Variants in SPEN observed in about 807,000 individuals in gnomAD.
SPEN encodes the protein spen family transcriptional repressor.
Under a neutral mutation model 269.9 loss-of-function variants are expected in SPEN, and 18 were observed. That is an observed-to-expected ratio of 0.07 (90% CI 0.05 to 0.10). The LOEUF is 0.10. Ranked by LOEUF, SPEN falls within the 10% of genes least tolerant of loss-of-function variation. SPEN has a pLI of 1.00. For synonymous variants in SPEN, 1,726 were observed against 1,765.7 expected (o/e 0.98, Z 0.56); for missense variants, 3,822 against 4,631.2 (o/e 0.83, Z 5.07).
intron 2 of SPEN, among the ~76,000 whole-genome samples, chr1:15,875,081 A>G (rs1250082733): frequency 1.3e-5 from 2 of 152,168 alleles, no homozygotes; most frequent in African/African-American, 4.8e-5. Context: ...GATGGGTTGA[A>G]GAGAAACTCC....
intron 9 of SPEN, 21 bp from the exon 10 acceptor site, chr1:15,922,228 C>T (rs1353964786): frequency 6.6e-7 from 1 of 1,526,292 alleles, no homozygotes; most frequent in Admixed American, 1.9e-5. Context: ...TTGCATCAAA[C>T]ACCTCTTTTT....
intron 8 of SPEN, among the ~76,000 whole-genome samples, chr1:15,920,536 G>C (rs2071108366): frequency 6.6e-6 from 1 of 151,960 alleles, no homozygotes; most frequent in Non-Finnish European, 1.5e-5. Flanking sequence ...GCTGTTGTTG[G>C]TTTTGCTTTT....
chr1:15,868,600 A>G (rs1019083611), intron 1 of SPEN, among the ~76,000 whole-genome samples: 4 of 151,886 alleles, frequency 2.6e-5, no homozygotes, highest in Non-Finnish European at 5.9e-5. Context: ...ATGCCCAGCT[A>G]ATTTTTTGTA....
rs1569992498 is a variant in SPEN at position 15,876,186 on chromosome 1, C to T, written c.405-16C>T. On this transcript the variant is annotated splice_polypyrimidine_tract_variant and intron_variant, in intron 2 of 14. Coordinates refer to ENST00000375759, the MANE Select transcript of SPEN (RefSeq NM_015001.3). ...GCTCCTTTCTGATTAAATATTTTTC[C>T]CCCTCCTAAATGCAGGGCTTCAGAT... is the stretch of plus-strand genomic sequence containing the variant. 6.3e-7 allele frequency: 1 copy of T among 1,581,332 alleles called. No individual in the cohort carries two copies. The highest frequency in any genetic ancestry group is 8.7e-7 in the Non-Finnish European group (1 of 1,154,350).
intron 3 of SPEN, among the ~76,000 whole-genome samples, chr1:15,891,732 C>T (rs2070791043): frequency 6.6e-6 from 1 of 151,556 alleles, no homozygotes; most frequent in Non-Finnish European, 1.5e-5. Flanking sequence ...TCAAGTGATC[C>T]TCCTGCCTTG....
intron 3 of SPEN, among the ~76,000 whole-genome samples, chr1:15,884,541 CTCTT>C (rs1247411752): frequency 2.6e-5 from 4 of 152,116 alleles, no homozygotes. Flanking sequence ...ATTTCTCTCT[CTCTT>C]TTTTTAAAAA....
At chr1:15,907,626 T>C (rs895891544) in intron 3 of SPEN, among the ~76,000 whole-genome samples, 1 of 152,166 alleles carries the variant, frequency 6.6e-6, no homozygotes, top group East Asian at 1.9e-4. Context: ...GCTAGTGTGC[T>C]TAAGATGGAT....
intron 10 of SPEN, among the ~76,000 whole-genome samples, chr1:15,927,270 TTAG>T (rs892282257): frequency 6.6e-6 from 1 of 152,184 alleles, no homozygotes; most frequent in African/African-American, 2.4e-5. Flanking sequence ...CCCTGGTTTG[TTAG>T]TTGGCAGCCT....
At chr1:15,902,669 TAAAATA>T (rs1175612214) in intron 3 of SPEN, among the ~76,000 whole-genome samples, 1 of 151,818 alleles carries the variant, frequency 6.6e-6, no homozygotes, top group African/African-American at 2.4e-5. Flanking sequence ...AAATAAAAGT[TAAAATA>T]AAATAGATGA....
Position 15,932,474 on chromosome 1 carries a change from A to G in SPEN, c.6234A>G (p.Gly2078=). 6.2e-7 allele frequency: 1 copy of G among 1,610,976 alleles called. No homozygotes were observed. Among genetic ancestry groups the G allele is most frequent in the Non-Finnish European group, 8.5e-7 (1 of 1,179,032 alleles). ...APEKNSKSKR[G]RSRNSRLAVD... ...AAAAAAACTCCAAATCAAAGAGAGG[A>G]AGATCTCGAAACTCCAGGTTAGCAG... Residue 2078 remains glycine, a synonymous_variant, in exon 11 of 15, where the codon GGA becomes GGG. Coordinates refer to ENST00000375759, the MANE Select transcript of SPEN (RefSeq NM_015001.3). The surrounding 1 kb of genome is among the most constrained non-coding windows in gnomAD (Gnocchi z 4.2).
intron 7 of SPEN, 82 bp downstream of exon 7, chr1:15,919,133 C>A (rs1570047056): frequency 8.2e-7 from 1 of 1,225,386 alleles, no homozygotes; most frequent in Non-Finnish European, 1.1e-6. Flanking sequence ...TTTGCATATG[C>A]CTTATTATTT....
intron 2 of SPEN, chr1:15,873,943 T>C: frequency 1.7e-6 from 2 of 1,173,756 alleles, no homozygotes; most frequent in Non-Finnish European, 2.1e-6. Flanking sequence ...TACTTTAGCT[T>C]TGAACACATG....
chr1:15,936,484 A>G (rs2071276489), intron 11 of SPEN, among the ~76,000 whole-genome samples: 1 of 151,950 alleles, frequency 6.6e-6, no homozygotes, highest in African/African-American at 2.4e-5. Context: ...CGTACAAAAA[A>G]AAAAAATTAC....
intron 2 of SPEN, chr1:15,874,305 A>G (rs970241169): frequency 1.5e-6 from 2 of 1,366,456 alleles, no homozygotes; most frequent in South Asian, 1.1e-5. Context: ...GATTACCCCC[A>G]TAAGAGGGGC....
Position 15,916,386 on chromosome 1 carries a change from C to A in SPEN, c.1395+107C>A, listed in dbSNP as rs750418277. ...GATATTTAATGGTGTAATGAATGAA[C>A]ATTGTTGTGTGCTTTTAGCTCTTGC... On this transcript the variant is annotated intron_variant, in intron 6 of 14. Transcript: ENST00000375759. 2.5e-5 allele frequency: 30 copies of A among 1,204,780 alleles called. 1 individual carries two copies. Among genetic ancestry groups the A allele is most frequent in the Non-Finnish European group, 3.3e-5 (29 of 882,916 alleles). The allele number at this position is 1,204,780 out of a possible 1,614,324, so 74.6% of individuals were successfully genotyped here.
chr1:15,921,429 G>A (rs2071119132), intron 9 of SPEN, among the ~76,000 whole-genome samples: 1 of 152,172 alleles, frequency 6.6e-6, no homozygotes, highest in Non-Finnish European at 1.5e-5. Context: ...AGTGTTTAAG[G>A]GGAATATTAC....
At chr1:15,907,876 A>G (rs1251484346) in intron 3 of SPEN, among the ~76,000 whole-genome samples, 1 of 152,208 alleles carries the variant, frequency 6.6e-6, no homozygotes, top group Non-Finnish European at 1.5e-5. Flanking sequence ...TAGAGAAGTA[A>G]GGCATAATAA....
Position 15,940,115 on chromosome 1 carries a change from A to AAT in SPEN, c.*696_*697dup, listed in dbSNP as rs1306483477. 1 of 210,288 alleles carries AAT rather than the reference A, an allele frequency of 4.8e-6. No individual in the cohort carries two copies. The highest frequency in any genetic ancestry group is 7.1e-5 in the East Asian group (1 of 14,178). The allele number at this position is 210,288 out of a possible 1,614,324, so 13.0% of individuals were successfully genotyped here. ...TATATATAAATATATAATATATATA[A>AAT]ATATATATAATACTGACTTAAAAAA... On this transcript the variant is annotated 3_prime_UTR_variant, in exon 15 of 15. Transcript: ENST00000375759.
In SPEN at chr1:15,931,023, C is replaced by A. The variant is rs778345057; in HGVS notation, c.4783C>A (p.Gln1595Lys). The A allele has an allele frequency of 1.1e-5, 18 of 1,613,378 alleles. No individual in the cohort carries two copies. The highest frequency in any genetic ancestry group is 2.2e-5 in the South Asian group (2 of 90,940). The change falls in exon 11 of 15, where the codon CAG becomes AAG. Residue 1595 changes from glutamine to lysine, a missense_variant. Coordinates refer to ENST00000375759, the MANE Select transcript of SPEN (RefSeq NM_015001.3). The surrounding 1 kb of genome is among the most constrained non-coding windows in gnomAD (Gnocchi z 4.8). Reference sequence around the variant, plus strand: ...ATTTATGGAGCTCACACGGATGCAACAGAAAGAAAAAGAAAAAGACCAGAA... The same window carrying A: ...ATTTATGGAGCTCACACGGATGCAAAAGAAAGAAAAAGAAAAAGACCAGAA... ...SRFMELTRMQ[Q>K]KEKEKDQKPK...
Sources: gnomAD v4.1 joint callset for allele counts (sites outside exome capture counted in the v4.1 genomes callset) on GRCh38, gnomAD v4.1.1 for gene constraint, Gnocchi (gnomAD v3.1) non-coding constraint, MANE v1.5 for transcripts, NCBI Gene and HGNC (gene_info 2026-07-23, HGNC 2026-07-21) for gene names.